SHOC2: variants seen among roughly 807,000 people sequenced by gnomAD.
SHOC2 encodes leucine-rich repeat protein SHOC-2.
A neutral mutation model predicts 50.2 loss-of-function variants in SHOC2; 4 were observed. That is an observed-to-expected ratio of 0.08 (90% CI 0.04 to 0.18). The LOEUF is 0.18. Ranked by LOEUF, SHOC2 falls within the 10% of genes least tolerant of loss-of-function variation. SHOC2 has a pLI of 1.00. For missense variants in SHOC2, 388 were observed against 669.6 expected, an observed-to-expected ratio of 0.58 and a Z score of 4.64; for synonymous variants, 218 against 244.5, an observed-to-expected ratio of 0.89 and a Z score of 1.01.
At position 111,007,534 on chromosome 10, in the gene SHOC2, A is replaced by G. The variant is rs1279298636; in HGVS notation, c.1165A>G (p.Asn389Asp). Residue 389 changes from asparagine (N) to aspartate (D), a missense_variant, in exon 6 of 9, where the codon AAT (asparagine) becomes GAT (aspartate). By Grantham distance (23) the Asn-to-Asp change is conservative. Transcript: ENST00000369452. Reference protein sequence around the residue: ...KVLSKLNMKDNQLTSLPLDFG... With the variant: ...KVLSKLNMKDDQLTSLPLDFG... ...TGCTTCTTTTTGTCTTTGCCAGGAC[A>G]ATCAGTTAACATCACTTCCCTTGGA... 1 of 1,613,544 alleles carries G rather than the reference A, an allele frequency of 6.2e-7. No individual in the cohort carries two copies.
At chr10:110,975,882 AT>A (rs1683540701) in intron 2 of SHOC2, among the ~76,000 whole-genome samples, 1 of 151,082 alleles carries the variant, frequency 6.6e-6, no homozygotes, top group Non-Finnish European at 1.5e-5. Flanking sequence ...TTGCTCACTA[AT>A]TTTAGCACTC....
chr10:111,003,913 T>C (rs17128270), intron 4 of SHOC2, among the ~76,000 whole-genome samples: 11,201 of 152,250 alleles, frequency 0.074, 815 homozygotes, highest in East Asian at 0.3. Context: ...TAATCTTCTT[T>C]ACCGCAGAGA....
chr10:110,996,864 T>G (rs1848277973), intron 3 of SHOC2, among the ~76,000 whole-genome samples: 1 of 152,106 alleles, frequency 6.6e-6, no homozygotes, highest in South Asian at 2.1e-4. Context: ...GAAATAAACA[T>G]TTATAATATG....
chr10:110,926,367 AG>A (rs1846773136), intron 1 of SHOC2, among the ~76,000 whole-genome samples: 1 of 152,220 alleles, frequency 6.6e-6, no homozygotes, highest in East Asian at 1.9e-4. Flanking sequence ...ACAGGCCCAA[AG>A]GAAGGACAAA....
intron 2 of SHOC2, among the ~76,000 whole-genome samples, chr10:110,972,673 C>T (rs928933372): frequency 5.3e-5 from 8 of 151,996 alleles, no homozygotes; most frequent in South Asian, 2.1e-4. Flanking sequence ...GGCAAAACCC[C>T]GTCTCTACAA....
At chr10:111,004,999 A>G (rs187784604) in intron 5 of SHOC2, among the ~76,000 whole-genome samples, 11 of 152,332 alleles carry the variant, frequency 7.2e-5, no homozygotes, top group African/African-American at 2.6e-4. Flanking sequence ...TCCTAAAGAA[A>G]TCATTGTCCA....
At position 111,000,662 on chromosome 10, in the gene SHOC2, T is replaced by C. The variant is rs1156709632; in HGVS notation, c.972+117T>C. On this transcript the variant is annotated intron_variant, in intron 4 of 8. Coordinates refer to ENST00000369452, the MANE Select transcript of SHOC2 (RefSeq NM_007373.4). Reference sequence around the variant, plus strand: ...TTGGTGATTGAGATTGTTTAAATAATGAGTATGCTGTGAATGTACCACCAC... The same window carrying C: ...TTGGTGATTGAGATTGTTTAAATAACGAGTATGCTGTGAATGTACCACCAC... 11 of 912,050 alleles carry C rather than the reference T, an allele frequency of 1.2e-5. No homozygotes were observed. The Admixed American group carries it at 1.8e-4, about 15-fold the overall frequency. 56.5% of individuals were successfully genotyped at this position (912,050 alleles called of 1,614,324 possible).
chr10:110,995,682 T>A (rs1848256747), intron 3 of SHOC2, among the ~76,000 whole-genome samples: 2 of 152,236 alleles, frequency 1.3e-5, no homozygotes. Flanking sequence ...TTCCTAGGTA[T>A]CTTTTTCATT....
intron 2 of SHOC2, among the ~76,000 whole-genome samples, chr10:110,983,886 T>TA (rs1293714653): frequency 1.3e-5 from 2 of 152,224 alleles, no homozygotes; most frequent in Non-Finnish European, 2.9e-5. Context: ...TATATAAACA[T>TA]ACCACATTTT....
rs1418544194 is a variant in SHOC2, at chr10:110,964,170, G to A, written c.-189G>A. The A allele has an allele frequency of 4.0e-6, 3 of 744,474 alleles. No homozygotes were observed. Among genetic ancestry groups the A allele is most frequent in the African/African-American group, 1.8e-5 (1 of 56,148 alleles). The allele number at this position is 744,474 out of a possible 1,614,324, so 46.1% of individuals were successfully genotyped here. A position where few individuals can be genotyped will look rare whatever the true frequency, so the allele number is the denominator to read the frequency against. On this transcript the variant is annotated 5_prime_UTR_variant, in exon 2 of 9. Transcript: ENST00000369452. The surrounding 1 kb of genome is among the most constrained non-coding windows in gnomAD (Gnocchi z 4.9). ...TTGACCAGCACTATTTTACCAGTTG[G>A]AATGAATGATCAGAAATGGGCATAG...
At chr10:110,929,910 T>A (rs1846857437) in intron 1 of SHOC2, among the ~76,000 whole-genome samples, 1 of 152,230 alleles carries the variant, frequency 6.6e-6, no homozygotes, top group Non-Finnish European at 1.5e-5. Flanking sequence ...TTTAATGTGT[T>A]AAATTACAAA....
At chr10:110,947,197 A>G (rs1847261471) in intron 1 of SHOC2, among the ~76,000 whole-genome samples, 1 of 152,208 alleles carries the variant, frequency 6.6e-6, no homozygotes, top group African/African-American at 2.4e-5. Context: ...CCCCAGCACT[A>G]GAACCACCTC....
At position 111,011,788 on chromosome 10, in the gene SHOC2, G is replaced by T. The variant is rs1564732170; in HGVS notation, c.1719G>T (p.Lys573Asn). ...CTTCTTTCATCATTCAGTTCTTAAA[G>T]ATGCAGGGTCCATATCGTGCCATGG... ...GGPSFIIQFLKMQGPYRAMV is the reference protein window; with the variant it reads ...GGPSFIIQFLNMQGPYRAMV The change falls in exon 9 of 9, where the codon AAG becomes AAT. Residue 573 changes from lysine (K) to asparagine (N), a missense_variant. Lys to Asn is a moderately conservative substitution (Grantham distance 94, BLOSUM62 0). Around this residue, in one of 5 missense-constraint regions of SHOC2, gnomAD observed 130 missense variants for 208.6 expected, o/e 0.62. Coordinates refer to ENST00000369452, the MANE Select transcript of SHOC2 (RefSeq NM_007373.4). The T allele has an allele frequency of 1.2e-6, 2 of 1,613,942 alleles. No individual in the cohort carries two copies.
intron 1 of SHOC2, among the ~76,000 whole-genome samples, chr10:110,958,609 C>T (rs1847513874): frequency 6.6e-6 from 1 of 152,194 alleles, no homozygotes; most frequent in African/African-American, 2.4e-5. Flanking sequence ...TTGCTGTTGA[C>T]ACCAAAGCTG....
chr10:110,986,014 C>T, intron 3 of SHOC2: 1 of 398,882 alleles, frequency 2.5e-6, no homozygotes, highest in African/African-American at 2.0e-5. Flanking sequence ...TATATATATT[C>T]TGTCATAGTT....
At chr10:110,935,946 G>A (rs1387029858) in intron 1 of SHOC2, among the ~76,000 whole-genome samples, 1 of 151,980 alleles carries the variant, frequency 6.6e-6, no homozygotes, top group Admixed American at 6.5e-5. Flanking sequence ...TGTTATTTTC[G>A]ATAGTTTTTT....
At position 110,974,311 on chromosome 10, in the gene SHOC2, A is replaced by AT. The variant is rs992776419; in HGVS notation, c.703+9260dup. Among the ~76,000 whole-genome samples the AT allele has an allele frequency of 4.7e-4, 70 of 149,238 alleles. 1 individual carries two copies. The highest frequency in any genetic ancestry group is 3.4e-3 in the Middle Eastern group (1 of 294). On this transcript the variant is annotated intron_variant, in intron 2 of 8. Transcript: ENST00000369452. ...CCAAATATATGAGAGAGATTTTCAG[A>AT]TTTTTTTTTTGCTTTGATTTATAAA... is the stretch of plus-strand genomic sequence containing the variant.
At chr10:110,933,470 G>A (rs1006469819) in intron 1 of SHOC2, among the ~76,000 whole-genome samples, 3 of 152,268 alleles carry the variant, frequency 2.0e-5, no homozygotes, top group Admixed American at 1.3e-4. Context: ...TTAATAGCCA[G>A]TATGTAGCCA....
rs1179205114 is a variant in SHOC2, at chr10:111,012,972, C to T, written c.*1154C>T. On this transcript the variant is annotated 3_prime_UTR_variant, in exon 9 of 9. Coordinates refer to ENST00000369452, the MANE Select transcript of SHOC2 (RefSeq NM_007373.4). ...GCTGCTGAACTAAATGCACTTTTCC[C>T]CACATATGGGGCACTGGCTTCAAAC... 2 of 152,594 alleles carry T rather than the reference C, an allele frequency of 1.3e-5. No individual in the cohort carries two copies. Among genetic ancestry groups the T allele is most frequent in the African/African-American group, 4.8e-5 (2 of 41,422 alleles). 9.5% of individuals were successfully genotyped at this position (152,594 alleles called of 1,614,324 possible). A position where few individuals can be genotyped will look rare whatever the true frequency, so the allele number is the denominator to read the frequency against.
Sources: allele counts gnomAD v4.1 joint callset (sites outside exome capture counted in the v4.1 genomes callset), GRCh38; gene constraint gnomAD v4.1.1; regional missense constraint gnomAD v4.1.1; non-coding constraint Gnocchi (gnomAD v3.1); transcripts MANE v1.5; gene names NCBI Gene and HGNC (gene_info 2026-07-23, HGNC 2026-07-21).